ABI1: variants seen among roughly 807,000 people sequenced by gnomAD.
ABI1 encodes abl interactor 1, also known as Abelson interactor 1.
Under a neutral mutation model 54.6 loss-of-function variants are expected in ABI1, and 14 were observed. The ratio of observed to expected loss-of-function variants is 0.26; its 90% CI spans 0.17 to 0.40. The LOEUF (loss-of-function observed/expected upper bound fraction) is 0.40. Among genes scored for constraint, ABI1 ranks in the 10% least tolerant of loss-of-function variants. The pLI, the probability that ABI1 is intolerant of heterozygous loss-of-function variation, is 1.00. For missense variants in ABI1, 443 were observed against 598.3 expected, an observed-to-expected ratio of 0.74 and a Z score of 2.71; for synonymous variants, 194 against 209.3, an observed-to-expected ratio of 0.93 and a Z score of 0.63.
At chr10:26,790,106 T>C (rs1843222977) in intron 2 of ABI1, among the ~76,000 whole-genome samples, 1 of 152,336 alleles carries the variant, frequency 6.6e-6, no homozygotes, top group South Asian at 2.1e-4. Context: ...TGTGCATGTG[T>C]CTTTATAACA....
intron 2 of ABI1, among the ~76,000 whole-genome samples, chr10:26,799,453 T>C (rs1237318379): frequency 6.6e-6 from 1 of 152,084 alleles, no homozygotes; most frequent in Non-Finnish European, 1.5e-5. Flanking sequence ...AAGAAGCTGC[T>C]TGCCAAGCTT....
chr10:26,822,035 C>G (rs1008879296), intron 2 of ABI1, among the ~76,000 whole-genome samples: 1 of 152,098 alleles, frequency 6.6e-6, no homozygotes, highest in African/African-American at 2.4e-5. Context: ...ATAAAACCAG[C>G]ATTACACTGA....
At chr10:26,842,835 A>G (rs1226563672) in intron 1 of ABI1, among the ~76,000 whole-genome samples, 1 of 152,116 alleles carries the variant, frequency 6.6e-6, no homozygotes, top group Non-Finnish European at 1.5e-5. Flanking sequence ...TCACAAGGTC[A>G]GGAGATCAAA....
chr10:26,839,844 G>T, intron 1 of ABI1: 1 of 693,274 alleles, frequency 1.4e-6, no homozygotes, highest in South Asian at 1.5e-5. Context: ...TGGTAAAGAT[G>T]GCAAAAATGG....
At chr10:26,838,642 T>C (rs1458684795) in intron 1 of ABI1, among the ~76,000 whole-genome samples, 1 of 152,160 alleles carries the variant, frequency 6.6e-6, no homozygotes, top group Non-Finnish European at 1.5e-5. Context: ...TTTAGAAACA[T>C]CACTTCAGCT....
In ABI1 at chr10:26,746,699, T is replaced by TAATC; in HGVS notation, c.*1867_*1870dup. On this transcript the variant is annotated 3_prime_UTR_variant, in exon 11 of 11. Transcript: ENST00000376140. ...TCTGTCATTCTAGTCCTATAAATTA[T>TAATC]AATCAAGGTATCTTGATGGTTATAT... The TAATC allele has an allele frequency of 1.9e-6, 1 of 524,548 alleles. No homozygotes were observed. The highest frequency in any genetic ancestry group is 3.1e-5 in the Admixed American group (1 of 31,968). 32.5% of individuals were successfully genotyped at this position (524,548 alleles called of 1,614,324 possible).
At chr10:26,818,924 C>A (rs1217624573) in intron 2 of ABI1, among the ~76,000 whole-genome samples, 1 of 152,034 alleles carries the variant, frequency 6.6e-6, no homozygotes, top group African/African-American at 2.4e-5. Flanking sequence ...ACGTGGGAGG[C>A]AGAGGTTGCA....
At chr10:26,764,164 A>G (rs1839607709) in intron 7 of ABI1, among the ~76,000 whole-genome samples, 1 of 152,190 alleles carries the variant, frequency 6.6e-6, no homozygotes, top group Non-Finnish European at 1.5e-5. Context: ...TATGTTTATA[A>G]GTGGCTTTTT....
At chr10:26,810,444 G>A (rs899272839) in intron 2 of ABI1, among the ~76,000 whole-genome samples, 1 of 152,184 alleles carries the variant, frequency 6.6e-6, no homozygotes. Flanking sequence ...TAGAGAAACC[G>A]GTGTTAAATC....
intron 2 of ABI1, among the ~76,000 whole-genome samples, chr10:26,807,675 C>A (rs1426249131): frequency 2.0e-5 from 3 of 152,202 alleles, no homozygotes; most frequent in Non-Finnish European, 4.4e-5. Context: ...CCCTTCAGGT[C>A]TCTCTTTCCA....
At chr10:26,839,806 TA>T (rs1283007806) in intron 1 of ABI1, 1 of 700,106 alleles carries the variant, frequency 1.4e-6, no homozygotes. Context: ...TAAAAATAAA[TA>T]AATCTTTAAA....
intron 1 of ABI1, among the ~76,000 whole-genome samples, chr10:26,841,216 A>C (rs919684189): frequency 2.0e-5 from 3 of 152,180 alleles, no homozygotes; most frequent in Admixed American, 1.3e-4. Context: ...CTCTAGGTGG[A>C]CATCAGCACT....
At chr10:26,758,016 C>T (rs11015267) in intron 8 of ABI1, among the ~76,000 whole-genome samples, 25,362 of 141,320 alleles carry the variant, frequency 0.18, 2,647 homozygotes, top group South Asian at 0.32. Flanking sequence ...TGCAGTGGAC[C>T]GAGATCGCGC....
Position 26,765,318 on chromosome 10 carries a change from A to G in ABI1, c.720T>C (p.Ser240=), listed in dbSNP as rs11015273. ...GACTTCCACTTCCTCCACTACTTCC[A>G]CTGAAAAGAAAAAAAAAAACTGTGA... ...ASLNQRPRTH[S]GSSGGSGSRE... The change falls in exon 7 of 11, where the codon AGT becomes AGC. Residue 240 remains serine, a splice_region_variant and synonymous_variant. Transcript: ENST00000376140. The G allele has an allele frequency of 1.1e-5, 18 of 1,571,970 alleles. No individual in the cohort carries two copies. The highest frequency in any genetic ancestry group is 1.0e-4 in the Admixed American group (5 of 47,620).
At chr10:26,852,718 T>A (rs1483888038) in intron 1 of ABI1, among the ~76,000 whole-genome samples, 1 of 152,138 alleles carries the variant, frequency 6.6e-6, no homozygotes, top group Non-Finnish European at 1.5e-5. Flanking sequence ...TAAAAATTAA[T>A]GATAAAGCAT....
At chr10:26,786,332 TG>T (rs764698164) in intron 2 of ABI1, among the ~76,000 whole-genome samples, 23 of 151,890 alleles carry the variant, frequency 1.5e-4, no homozygotes, top group Non-Finnish European at 2.9e-4. Flanking sequence ...TCATGTCTCA[TG>T]ACTCCCGAGT....
chr10:26,764,903 C>T (rs746347659), intron 7 of ABI1, among the ~76,000 whole-genome samples: 19 of 152,058 alleles, frequency 1.2e-4, no homozygotes, highest in Admixed American at 7.9e-4. Flanking sequence ...TTTTGGTATC[C>T]GCAGGGGACC....
chr10:26,782,908 GA>G (rs1346453394), intron 2 of ABI1, among the ~76,000 whole-genome samples: 2 of 152,236 alleles, frequency 1.3e-5, no homozygotes, highest in East Asian at 3.9e-4. Flanking sequence ...CAGTCACTCT[GA>G]AACATAGTAT....
At chr10:26,843,491 T>A (rs1226925987) in intron 1 of ABI1, among the ~76,000 whole-genome samples, 492 of 37,652 alleles carry the variant, frequency 0.013, no homozygotes, top group Non-Finnish European at 0.019. Context: ...AAAAAATATA[T>A]ATATATATAT....
Sources: gnomAD v4.1 joint callset for allele counts (sites outside exome capture counted in the v4.1 genomes callset) on GRCh38, gnomAD v4.1.1 for gene constraint, MANE v1.5 for transcripts, NCBI Gene and HGNC (gene_info 2026-07-23, HGNC 2026-07-21) for gene names.